ANO4: variants seen among roughly 807,000 people sequenced by gnomAD.
ANO4 encodes anoctamin 4.
In ANO4, 69 loss-of-function variants were observed where a neutral mutation model predicts 141.9. That is an observed-to-expected ratio of 0.49 (90% confidence interval 0.40 to 0.59). The LOEUF (loss-of-function observed/expected upper bound fraction) is 0.59. ANO4 is among the 20% of genes least tolerant of loss of function. ANO4 has a pLI of 0.00. For missense variants in ANO4, 894 were observed against 1,162.2 expected (o/e 0.77, Z 3.36); for synonymous variants, 350 against 394.3 (o/e 0.89, Z 1.33).
intron 6 of ANO4, among the ~76,000 whole-genome samples, chr12:100,972,216 A>C (rs932923116): frequency 6.6e-6 from 1 of 152,262 alleles, no homozygotes; most frequent in Non-Finnish European, 1.5e-5. Context: ...CAGTAAGACC[A>C]CATTAGGTGA....
In ANO4 at chr12:100,827,566, C is replaced by G. The variant is rs540567637; in HGVS notation, c.-141+32539C>G. Among the ~76,000 whole-genome samples the G allele has an allele frequency of 5.3e-5, 8 of 151,844 alleles. No individual in the cohort carries two copies. The South Asian group carries it at 1.7e-3, about 32-fold the overall frequency. The stretch of plus-strand genomic sequence containing the variant: ...TAGAATAATGCCTGCATAGTAGGAG[C>G]TCAATAAATATCTGTCAGCTGACTA... On this transcript the variant is annotated intron_variant, in intron 1 of 27. Transcript: ENST00000392977.
At chr12:100,825,681 G>C (rs565033786) in intron 1 of ANO4, among the ~76,000 whole-genome samples, 2 of 151,924 alleles carry the variant, frequency 1.3e-5, no homozygotes. Context: ...ATCCCAGCTT[G>C]GTGTGAAAAT....
intron 1 of ANO4, among the ~76,000 whole-genome samples, chr12:100,855,005 T>C (rs915208998): frequency 2.6e-5 from 4 of 151,936 alleles, no homozygotes; most frequent in Non-Finnish European, 5.9e-5. Context: ...CATTTTTTTT[T>C]CTCCTCATAC....
rs185138832 is a variant in ANO4, at chr12:101,039,918, G to A, written c.898-37G>A. ...ATCAGCATTTCCTTGTGACTTTTGT[G>A]AGTACTACCTCACTGGCAGTGGTGT... On this transcript the variant is annotated intron_variant, in intron 10 of 27. Coordinates refer to ENST00000392977, the MANE Select transcript of ANO4 (RefSeq NM_001286615.2). 9.5e-6 allele frequency: 15 copies of A among 1,581,682 alleles called. No homozygotes were observed. In the Admixed American group the frequency reaches 1.6e-4, roughly 17 times the overall value.
intron 1 of ANO4, among the ~76,000 whole-genome samples, chr12:100,870,046 A>G (rs7134541): frequency 0.048 from 7,289 of 152,268 alleles, 232 homozygotes; most frequent in Middle Eastern, 0.095. Context: ...CAGGATCTCA[A>G]TAGAAAACAG....
intron 7 of ANO4, among the ~76,000 whole-genome samples, chr12:100,981,459 GAAGA>G (rs1208766941): frequency 1.3e-5 from 2 of 150,676 alleles, no homozygotes; most frequent in Non-Finnish European, 3.0e-5. Flanking sequence ...AGGAAGGAAG[GAAGA>G]AAGGAAGGGA....
chr12:101,006,752 A>G (rs1002731568), intron 8 of ANO4, among the ~76,000 whole-genome samples: 9 of 152,202 alleles, frequency 5.9e-5, no homozygotes. Flanking sequence ...AATATGCAAT[A>G]CTGTATTTTT....
At chr12:100,905,710 A>T (rs993062263) in intron 2 of ANO4, among the ~76,000 whole-genome samples, 3 of 152,150 alleles carry the variant, frequency 2.0e-5, no homozygotes, top group Non-Finnish European at 4.4e-5. Flanking sequence ...CAGCAGCTGG[A>T]GGAGAAGTAA....
intron 3 of ANO4, among the ~76,000 whole-genome samples, chr12:100,767,907 T>C (rs1252002831): frequency 2.0e-5 from 3 of 152,164 alleles, no homozygotes; most frequent in African/African-American, 7.2e-5. Flanking sequence ...GACTAGAAAC[T>C]AGTTCTGAGG....
intron 3 of ANO4, among the ~76,000 whole-genome samples, chr12:100,746,412 C>T (rs528969655): frequency 3.5e-4 from 52 of 148,466 alleles, no homozygotes; most frequent in Middle Eastern, 3.6e-3. Context: ...GAGTTGGTGC[C>T]GCTGCACTCC....
intron 5 of ANO4, among the ~76,000 whole-genome samples, chr12:100,948,860 T>C (rs1383869411): frequency 6.6e-6 from 1 of 152,168 alleles, no homozygotes; most frequent in East Asian, 1.9e-4. Context: ...ATATGACAAA[T>C]TTAATGGGAT....
rs547440877 is a variant in ANO4, at chr12:101,053,487, AG to A, written c.1312+5089del. 6.8e-3 allele frequency among the ~76,000 whole-genome samples: 1,037 copies of A among 152,256 alleles called. 7 individuals are homozygous for A. The highest frequency in any genetic ancestry group is 0.012 in the Non-Finnish European group (828 of 68,010). On this transcript the variant is annotated intron_variant, in intron 14 of 27. Coordinates refer to ENST00000392977, the MANE Select transcript of ANO4 (RefSeq NM_001286615.2). ...AAATCAAGGTGTCAGTGGGATTCTGAGGGCTGTGAGGGAAGGATCTGTTCCA... is the reference window on the plus strand; with the variant it reads ...AAATCAAGGTGTCAGTGGGATTCTGAGGCTGTGAGGGAAGGATCTGTTCCA...
At chr12:100,786,553 T>G (rs899281768) in intron 3 of ANO4, among the ~76,000 whole-genome samples, 3 of 152,058 alleles carry the variant, frequency 2.0e-5, no homozygotes, top group African/African-American at 4.8e-5. Flanking sequence ...GAAGACAGGG[T>G]TTTTTTCCCT....
chr12:101,064,860 TC>T (rs2048511874), intron 14 of ANO4, among the ~76,000 whole-genome samples: 1 of 152,142 alleles, frequency 6.6e-6, no homozygotes, highest in African/African-American at 2.4e-5. Context: ...TCTCACATTG[TC>T]CTGCTCCCTC....
At chr12:101,125,060 G>C (rs1238229699) in intron 26 of ANO4, among the ~76,000 whole-genome samples, 1 of 152,162 alleles carries the variant, frequency 6.6e-6, no homozygotes, top group African/African-American at 2.4e-5. Flanking sequence ...ATTACTTTGG[G>C]CAGATGGCCG....
At chr12:101,016,133 G>A (rs2046307515) in intron 8 of ANO4, among the ~76,000 whole-genome samples, 1 of 152,124 alleles carries the variant, frequency 6.6e-6, no homozygotes, top group African/African-American at 2.4e-5. Flanking sequence ...CCCTGTGTTA[G>A]GTTATTTGCA....
At chr12:100,940,855 T>C (rs2042481105) in intron 4 of ANO4, among the ~76,000 whole-genome samples, 1 of 152,172 alleles carries the variant, frequency 6.6e-6, no homozygotes, top group South Asian at 2.1e-4. Context: ...TCTCTTTCAA[T>C]GTTGTACAGC....
rs552367392 is a variant in ANO4 at position 100,726,561 on chromosome 12, C to T, written c.23-7213C>T. Reference sequence around the variant, plus strand: ...ATGAGACTGCAAATCATTTGGATATCTTGTGAAAATGAAAATACTGATTTA... The same window carrying T: ...ATGAGACTGCAAATCATTTGGATATTTTGTGAAAATGAAAATACTGATTTA... On this transcript the variant is annotated intron_variant, in intron 1 of 29. Coordinates refer to the ANO4 transcript ENST00000644049. Among the ~76,000 whole-genome samples, 475 of 152,280 alleles carry T rather than the reference C, an allele frequency of 3.1e-3. 5 individuals carry two copies. The highest frequency in any genetic ancestry group is 0.011 in the African/African-American group (440 of 41,566).
chr12:100,990,227 A>G (rs187350960), intron 8 of ANO4, among the ~76,000 whole-genome samples: 1 of 152,276 alleles, frequency 6.6e-6, no homozygotes, highest in African/African-American at 2.4e-5. Flanking sequence ...GAAGTATGTG[A>G]TGTGTGCTCT....
Sources: gnomAD v4.1 joint callset for allele counts (sites outside exome capture counted in the v4.1 genomes callset) on GRCh38, gnomAD v4.1.1 for gene constraint, MANE v1.5 for transcripts, NCBI Gene and HGNC (gene_info 2026-07-23, HGNC 2026-07-21) for gene names.